Variants in CLASP1 observed in about 807,000 individuals in gnomAD.
The protein encoded by CLASP1 is cytoplasmic linker associated protein 1, also known as CLIP-associating protein 1.
Under a neutral mutation model 192.3 loss-of-function variants are expected in CLASP1, and 38 were observed. The ratio of observed to expected loss-of-function variants is 0.20; its 90% confidence interval spans 0.15 to 0.26. The LOEUF (loss-of-function observed/expected upper bound fraction) is 0.26. Ranked by LOEUF, CLASP1 falls within the 10% of genes least tolerant of loss-of-function variation. CLASP1 has a pLI of 1.00. For synonymous variants in CLASP1, 691 were observed against 712.8 expected (o/e 0.97, Z 0.49); for missense variants, 1,433 against 1,932.5 (o/e 0.74, Z 4.85).
chr2:121,390,084 G>A (rs534839492), intron 30 of CLASP1, among the ~76,000 whole-genome samples: 6 of 152,226 alleles, frequency 3.9e-5, no homozygotes, highest in African/African-American at 7.2e-5. Context: ...GTTTTGCCAC[G>A]AATTAGACTG....
intron 22 of CLASP1, among the ~76,000 whole-genome samples, chr2:121,420,832 C>T (rs537494919): frequency 2.2e-4 from 34 of 151,952 alleles, no homozygotes; most frequent in Non-Finnish European, 4.3e-4. Context: ...GCTAGAACAA[C>T]GGGGAAAAAA....
chr2:121,647,020 A>T (rs2073290045), intron 1 of CLASP1, among the ~76,000 whole-genome samples: 1 of 147,774 alleles, frequency 6.8e-6, no homozygotes, highest in African/African-American at 2.5e-5. Context: ...AGCCTGGGTA[A>T]CATAGCGAGA....
intron 24 of CLASP1, 42 bp downstream of exon 25, chr2:121,410,824 G>T: frequency 1.7e-6 from 2 of 1,202,020 alleles, no homozygotes; most frequent in Non-Finnish European, 1.2e-6. Flanking sequence ...ATGCAGATGA[G>T]TATTTCAAAA....
intron 30 of CLASP1, among the ~76,000 whole-genome samples, chr2:121,395,691 G>A (rs1266278019): frequency 2.0e-5 from 3 of 152,150 alleles, no homozygotes; most frequent in African/African-American, 4.8e-5. Context: ...TCAATACAGA[G>A]TGCATTGAGC....
At chr2:121,359,559 T>C (rs1308783749) in intron 37 of CLASP1, among the ~76,000 whole-genome samples, 1 of 152,150 alleles carries the variant, frequency 6.6e-6, no homozygotes, top group Non-Finnish European at 1.5e-5. Context: ...AAACAGAAAA[T>C]GGGCTCAAAA....
intron 1 of CLASP1, among the ~76,000 whole-genome samples, chr2:121,631,428 C>T (rs535387243): frequency 2.0e-5 from 3 of 150,772 alleles, no homozygotes; most frequent in Non-Finnish European, 4.4e-5. Flanking sequence ...GCTGGGACTA[C>T]AGGCACACAC....
chr2:121,457,182 T>A (rs554997440), intron 14 of CLASP1, among the ~76,000 whole-genome samples: 5 of 152,238 alleles, frequency 3.3e-5, no homozygotes. Flanking sequence ...CTCCCACAAC[T>A]GCACAGAACT....
In CLASP1 at chr2:121,608,502, T is replaced by C. The variant is rs80269930; in HGVS notation, c.-285-2322A>G. Among the ~76,000 whole-genome samples the C allele has an allele frequency of 1.5e-3, 225 of 152,294 alleles. 4 individuals carry two copies. In the East Asian group the frequency reaches 0.041, roughly 28 times the overall value. The stretch of plus-strand genomic sequence containing the variant: ...GCTGTAAGGAAGCTGGCCTAGCCTA[T>C]TGGACATGAGAGGCCACTTGGGGAA... On this transcript the variant is annotated intron_variant, in intron 1 of 39. Coordinates refer to ENST00000263710, the Ensembl canonical transcript of CLASP1.
In CLASP1 at chr2:121,501,064, G is replaced by T. The variant is rs118035017; in HGVS notation, c.712+2103C>A. On this transcript the variant is annotated intron_variant, in intron 8 of 39. Coordinates refer to ENST00000263710, the Ensembl canonical transcript of CLASP1. ...TTTGTCACATCACTGGATCCCATAG[G>T]GTATATGTACACACTCTTTTAGGCA... is the stretch of plus-strand genomic sequence containing the variant. 4.0e-4 allele frequency among the ~76,000 whole-genome samples: 61 copies of T among 152,124 alleles called. 1 individual carries two copies. The East Asian group carries it at 0.01, about 26-fold the overall frequency.
chr2:121,500,810 T>A (rs897152546), intron 8 of CLASP1, among the ~76,000 whole-genome samples: 1 of 152,228 alleles, frequency 6.6e-6, no homozygotes, highest in Non-Finnish European at 1.5e-5. Flanking sequence ...AAGCTGAAAT[T>A]ATCGGCCTCC....
chr2:121,478,788 ACACACCACACAC>A (rs2092110342), intron 8 of CLASP1, among the ~76,000 whole-genome samples: 1 of 76,566 alleles, frequency 1.3e-5, no homozygotes, highest in Non-Finnish European at 2.7e-5. Context: ...CACACCCCAC[ACACACCACACAC>A]CACACACACA....
At chr2:121,398,966 C>G (rs1404332639) in intron 28 of CLASP1, among the ~76,000 whole-genome samples, 2 of 152,188 alleles carry the variant, frequency 1.3e-5, no homozygotes, top group Admixed American at 1.3e-4. Context: ...CTCTCTTGGC[C>G]AGAGAGTCAG....
intron 2 of CLASP1, among the ~76,000 whole-genome samples, chr2:121,593,933 G>A (rs1299910652): frequency 2.6e-5 from 4 of 151,330 alleles, no homozygotes; most frequent in African/African-American, 4.9e-5. Context: ...CACTGAACCC[G>A]GGAGGCGGAG....
At chr2:121,382,860 G>A (rs1358649234) in intron 32 of CLASP1, among the ~76,000 whole-genome samples, 2 of 152,238 alleles carry the variant, frequency 1.3e-5, no homozygotes, top group Admixed American at 1.3e-4. Context: ...CTGTGATCCA[G>A]TTGGATGGCG....
At chr2:121,459,020 G>C in intron 12 of CLASP1, 45 bp from the exon 13 acceptor site, 3 of 1,480,844 alleles carry the variant, frequency 2.0e-6, no homozygotes, top group Non-Finnish European at 2.7e-6. Context: ...TTTTCTTAGA[G>C]ACAGTGAAGC....
chr2:121,417,373 G>A (rs184721512), intron 23 of CLASP1, among the ~76,000 whole-genome samples: 16 of 151,894 alleles, frequency 1.1e-4, no homozygotes, highest in Admixed American at 2.0e-4. Context: ...TCATAAATAG[G>A]TTGTTCAGAA....
chr2:121,459,246 T>C (rs191143687), intron 12 of CLASP1, among the ~76,000 whole-genome samples: 30 of 152,194 alleles, frequency 2.0e-4, no homozygotes, highest in Admixed American at 9.2e-4. Context: ...CACGTTGAAC[T>C]TGAACTCCTG....
chr2:121,563,177 G>A (rs1330090608), intron 2 of CLASP1, among the ~76,000 whole-genome samples: 1 of 152,088 alleles, frequency 6.6e-6, no homozygotes, highest in Non-Finnish European at 1.5e-5. Context: ...TCCCTTCTCT[G>A]ACCTCTAACC....
chr2:121,438,767 T>C (rs561528899), intron 19 of CLASP1, among the ~76,000 whole-genome samples: 2 of 151,852 alleles, frequency 1.3e-5, no homozygotes, highest in African/African-American at 4.8e-5. Context: ...TCAATGTTCA[T>C]CAAGGATATT....
Sources: allele counts gnomAD v4.1 joint callset (sites outside exome capture counted in the v4.1 genomes callset), GRCh38; gene constraint gnomAD v4.1.1; transcripts MANE v1.5; gene names NCBI Gene and HGNC (gene_info 2026-07-23, HGNC 2026-07-21).